The following SDK1 variants were observed in gnomAD, a reference collection of about 807,000 sequenced individuals.
SDK1 encodes the protein protein sidekick-1.
A neutral mutation model predicts 245.5 loss-of-function variants in SDK1; 157 were observed. The ratio of observed to expected loss-of-function variants is 0.64; its 90% confidence interval spans 0.56 to 0.73. The LOEUF is 0.73. Among genes scored for constraint, SDK1 ranks in the 30% least tolerant of loss-of-function variants. The pLI is 0.00. For synonymous variants in SDK1, 1,647 were observed against 1,278.5 expected, an observed-to-expected ratio of 1.29 and a Z score of -6.15; for missense variants, 3,583 against 3,002.3, an observed-to-expected ratio of 1.19 and a Z score of -4.52.
intron 14 of SDK1, among the ~76,000 whole-genome samples, chr7:3,995,890 C>T (rs1239666975): frequency 6.6e-6 from 1 of 151,846 alleles, no homozygotes; most frequent in African/African-American, 2.4e-5. Context: ...TTGTATATTA[C>T]TTTCTGACAT....
At chr7:3,820,851 T>A (rs1779626603) in intron 4 of SDK1, among the ~76,000 whole-genome samples, 1 of 152,226 alleles carries the variant, frequency 6.6e-6, no homozygotes, top group Non-Finnish European at 1.5e-5. Context: ...GACTGTTTAC[T>A]CATCCTTTGC....
chr7:4,179,410 G>A (rs1279293072), intron 35 of SDK1, among the ~76,000 whole-genome samples: 1 of 152,036 alleles, frequency 6.6e-6, no homozygotes, highest in South Asian at 2.1e-4. Context: ...GGGGGCAGGG[G>A]CGGCTCGGAC....
At chr7:3,961,559 T>C (rs1298775394) in intron 8 of SDK1, among the ~76,000 whole-genome samples, 1 of 152,188 alleles carries the variant, frequency 6.6e-6, no homozygotes, top group African/African-American at 2.4e-5. Flanking sequence ...TAAGTGTAGA[T>C]ATGCCTCATG....
At chr7:3,860,487 A>G (rs1460441085) in intron 5 of SDK1, among the ~76,000 whole-genome samples, 1 of 152,338 alleles carries the variant, frequency 6.6e-6, no homozygotes, top group Non-Finnish European at 1.5e-5. Flanking sequence ...GTTGTCAAAC[A>G]TTTAAGAAGT....
At chr7:4,139,336 CATCT>C (rs560296453) in intron 28 of SDK1, among the ~76,000 whole-genome samples, 160 of 152,058 alleles carry the variant, frequency 1.1e-3, no homozygotes, top group Non-Finnish European at 1.0e-3. Context: ...ACAAAAGAAG[CATCT>C]ATCTATCTGT....
intron 1 of SDK1, among the ~76,000 whole-genome samples, chr7:3,485,683 G>GTTTTTTTATTTTTTTTT (rs1781666239): frequency 2.6e-5 from 1 of 38,174 alleles, no homozygotes; most frequent in South Asian, 1.7e-3. Context: ...TCTTTGGAGG[G>GTTTTTTTATTTTTTTTT]TTTTTTTTTT....
At chr7:3,643,937 C>G (rs893135547) in intron 4 of SDK1, among the ~76,000 whole-genome samples, 2 of 150,414 alleles carry the variant, frequency 1.3e-5, no homozygotes, top group African/African-American at 4.9e-5. Context: ...CAGAGTCCCT[C>G]TGTCACCCAG....
chr7:3,927,994 T>C (rs1050532600), intron 5 of SDK1, among the ~76,000 whole-genome samples: 4 of 152,212 alleles, frequency 2.6e-5, no homozygotes, highest in Admixed American at 1.3e-4. Context: ...TGAGAGAAAC[T>C]GAGCTAGTGT....
intron 1 of SDK1, among the ~76,000 whole-genome samples, chr7:3,387,782 T>A (rs1179336097): frequency 6.6e-6 from 1 of 152,224 alleles, no homozygotes; most frequent in African/African-American, 2.4e-5. Flanking sequence ...AATAAAATAA[T>A]ACTTGATAAA....
intron 4 of SDK1, among the ~76,000 whole-genome samples, chr7:3,768,495 C>T (rs1456026550): frequency 6.6e-6 from 1 of 152,212 alleles, no homozygotes; most frequent in African/African-American, 2.4e-5. Context: ...CTCAGCATTT[C>T]TCAGCTCAGC....
intron 5 of SDK1, among the ~76,000 whole-genome samples, chr7:3,863,535 C>A (rs978284183): frequency 1.3e-5 from 2 of 152,144 alleles, no homozygotes; most frequent in African/African-American, 4.8e-5. Flanking sequence ...AGAACTTTTC[C>A]ATCGTGCCAA....
At position 3,811,593 on chromosome 7, in the gene SDK1, T is replaced by C. The variant is rs1273112553; in HGVS notation, c.714-9857T>C. Among the ~76,000 whole-genome samples the C allele has an allele frequency of 3.9e-5, 6 of 152,334 alleles. No homozygotes were observed. The East Asian group carries it at 1.2e-3, about 29-fold the overall frequency. On this transcript the variant is annotated intron_variant, in intron 4 of 44. Coordinates refer to ENST00000404826, the MANE Select transcript of SDK1 (RefSeq NM_152744.4). ...AGGCAGATGTCCCTCTGTGCCTCTT[T>C]TCTGACCACCCACCAAAGCCCCTCT...
intron 4 of SDK1, among the ~76,000 whole-genome samples, chr7:3,736,031 G>C (rs1448352231): frequency 2.0e-5 from 3 of 151,838 alleles, no homozygotes; most frequent in African/African-American, 7.3e-5. Context: ...TTTTTAATCA[G>C]GTTATTTGTT....
rs939655185 is a variant in SDK1 at position 4,174,260 on chromosome 7, A to T, written c.4839A>T (p.Gly1613=). ...AAAGCCTGAATGGCCTTCTTCAGGG[A>T]TACAGGATCTACTACAGGGAGCTGG... ...RDESLNGLLQ[G]YRIYYRELEY... The change falls in exon 33 of 45, where the codon GGA becomes GGT. Residue 1613 remains glycine (G), a synonymous_variant. Transcript: ENST00000404826. 1.9e-6 allele frequency: 3 copies of T among 1,614,010 alleles called. No individual in the cohort carries two copies. The highest frequency in any genetic ancestry group is 2.5e-6 in the Non-Finnish European group (3 of 1,179,932).
intron 17 of SDK1, among the ~76,000 whole-genome samples, chr7:4,028,538 A>AT (rs1487757046): frequency 6.6e-6 from 1 of 152,246 alleles, no homozygotes; most frequent in Non-Finnish European, 1.5e-5. Context: ...AAAAAGGTGG[A>AT]TATGGGTGAT....
chr7:4,262,410 A>G (rs1455973299), intron 44 of SDK1, among the ~76,000 whole-genome samples: 4 of 151,798 alleles, frequency 2.6e-5, no homozygotes, highest in Admixed American at 1.3e-4. Flanking sequence ...ATGAACCTAG[A>G]AAACATGCAG....
intron 30 of SDK1, among the ~76,000 whole-genome samples, chr7:4,157,547 G>A (rs1780843842): frequency 1.3e-5 from 2 of 149,862 alleles, no homozygotes; most frequent in Non-Finnish European, 3.0e-5. Context: ...AAGGTGGGTG[G>A]GCAGATGGAA....
intron 1 of SDK1, among the ~76,000 whole-genome samples, chr7:3,481,464 G>A (rs1399238673): frequency 6.6e-6 from 1 of 152,354 alleles, no homozygotes; most frequent in African/African-American, 2.4e-5. Flanking sequence ...ACGCTGTTCT[G>A]TGCTCCCAGA....
intron 1 of SDK1, among the ~76,000 whole-genome samples, chr7:3,577,547 C>T (rs1050389899): frequency 6.6e-6 from 1 of 152,016 alleles, no homozygotes; most frequent in African/African-American, 2.4e-5. Flanking sequence ...GGGTAACCTT[C>T]TGTGCAGTAG....
Sources: gnomAD v4.1 joint callset for allele counts (sites outside exome capture counted in the v4.1 genomes callset) on GRCh38, gnomAD v4.1.1 for gene constraint, MANE v1.5 for transcripts, NCBI Gene and HGNC (gene_info 2026-07-23, HGNC 2026-07-21) for gene names.